EPCAM: variants seen among roughly 807,000 people sequenced by gnomAD.
EPCAM encodes the protein epithelial cell adhesion molecule.
A neutral mutation model predicts 40.0 loss-of-function variants in EPCAM; 39 were observed. The observed-to-expected ratio is 0.98, with a 90% CI of 0.76 to 1.27. EPCAM has a LOEUF of 1.27. EPCAM is among the 50% of genes most tolerant of loss of function. The probability of loss-of-function intolerance (pLI) is 0.00; values close to 1 mark genes in which losing one functional copy is unlikely to be tolerated. For synonymous variants in EPCAM, 168 were observed against 132.3 expected (o/e 1.27, Z -1.85); for missense variants, 503 against 381.2 (o/e 1.32, Z -2.66).
At chr2:47,369,724 G>A in intron 1 of EPCAM, 143 bp downstream of exon 1, 1 of 903,938 alleles carries the variant, frequency 1.1e-6, no homozygotes, top group Non-Finnish European at 1.8e-6. Context: ...CGGTGCGGCC[G>A]TGCTCCGGCT....
intron 6 of EPCAM, 42 bp from the exon 7 acceptor site, chr2:47,379,727 T>C (rs2103758571): frequency 6.2e-7 from 1 of 1,606,520 alleles, no homozygotes; most frequent in South Asian, 1.1e-5. Context: ...CATGGTTGGT[T>C]TCCTTAAATA....
intron 7 of EPCAM, among the ~76,000 whole-genome samples, chr2:47,384,132 C>T (rs1671671883): frequency 6.6e-6 from 1 of 151,334 alleles, no homozygotes; most frequent in Non-Finnish European, 1.5e-5. Context: ...GACAGAGTCT[C>T]CTTCTGTTGC....
At chr2:47,384,276 G>C (rs1671676418) in intron 7 of EPCAM, among the ~76,000 whole-genome samples, 1 of 148,102 alleles carries the variant, frequency 6.8e-6, no homozygotes, top group Admixed American at 6.7e-5. Context: ...GCTAATTTTT[G>C]TATCTTTAGT....
At chr2:47,379,412 T>C (rs1342728966) in intron 6 of EPCAM, among the ~76,000 whole-genome samples, 1 of 152,186 alleles carries the variant, frequency 6.6e-6, no homozygotes, top group Admixed American at 6.6e-5. Context: ...GTTGAAACTT[T>C]AATATATTAT....
At chr2:47,369,741 C>A in intron 1 of EPCAM, 160 bp downstream of exon 1, 1 of 804,992 alleles carries the variant, frequency 1.2e-6, no homozygotes, top group East Asian at 2.7e-5. Context: ...GGCTCAGGCC[C>A]TCCGCGCGGT....
In EPCAM at chr2:47,370,843, G is replaced by A. The variant is rs188797415; in HGVS notation, c.76+1262G>A. ...CGATTCTCCTGCCTCAGCCTCCCGA[G>A]TAGCTGGGACTACAGGCATGCACCA... is the stretch of plus-strand genomic sequence containing the variant. On this transcript the variant is annotated intron_variant, in intron 1 of 8. Coordinates refer to ENST00000263735, the MANE Select transcript of EPCAM (RefSeq NM_002354.3). 1.2e-3 allele frequency among the ~76,000 whole-genome samples: 176 copies of A among 152,184 alleles called. 2 individuals are homozygous for A. The highest frequency in any genetic ancestry group is 4.1e-3 in the African/African-American group (169 of 41,532).
In EPCAM at chr2:47,379,715, G is replaced by T. The variant is rs115618704; in HGVS notation, c.658-54G>T. On this transcript the variant is annotated intron_variant, in intron 6 of 8. Coordinates refer to ENST00000263735, the MANE Select transcript of EPCAM (RefSeq NM_002354.3). ...TACAATTTGTATGTAATTATATGTG[G>T]CCATGGTTGGTTTCCTTAAATATTT... The T allele has an allele frequency of 1.6e-5, 25 of 1,594,210 alleles. No homozygotes were observed. In the Admixed American group the frequency reaches 4.2e-4, roughly 27 times the overall value.
At chr2:47,377,691 A>G (rs755115673) in intron 5 of EPCAM, 1 of 384,268 alleles carries the variant, frequency 2.6e-6, no homozygotes, top group South Asian at 2.0e-5. Flanking sequence ...GTAACATCTT[A>G]AAGTAAATAT....
At chr2:47,380,200 C>T (rs1671551868) in intron 7 of EPCAM, among the ~76,000 whole-genome samples, 1 of 151,952 alleles carries the variant, frequency 6.6e-6, no homozygotes, top group African/African-American at 2.4e-5. Flanking sequence ...CCTGTGGTCC[C>T]ATCTACTTAG....
At position 47,378,974 on chromosome 2, in the gene EPCAM, A is replaced by G. The variant is rs200676965; in HGVS notation, c.577A>G (p.Ile193Val). The change falls in exon 6 of 9, where the codon ATT (isoleucine) becomes GTT (valine). Residue 193 changes from isoleucine (I) to valine (V), a missense_variant. Transcript: ENST00000263735. ...SILYENNVITIDLVQNSSQKT... is the reference protein window; with the variant it reads ...SILYENNVITVDLVQNSSQKT... The stretch of plus-strand genomic sequence containing the variant: ...CCAGTATGAGAATAATGTTATCACT[A>G]TTGATCTGGTTCAAAATTCTTCTCA... The G allele has an allele frequency of 3.3e-4, 513 of 1,564,256 alleles. No homozygotes were observed. Among genetic ancestry groups the G allele is most frequent in the Non-Finnish European group, 4.3e-4 (485 of 1,134,986 alleles).
At chr2:47,381,589 A>G (rs1233279065) in intron 7 of EPCAM, among the ~76,000 whole-genome samples, 1 of 152,128 alleles carries the variant, frequency 6.6e-6, no homozygotes, top group African/African-American at 2.4e-5. Context: ...GCATGTCCAG[A>G]GCACAGTAGT....
At position 47,373,820 on chromosome 2, in the gene EPCAM, G is replaced by A. The variant is rs267606785; in HGVS notation, c.197G>A (p.Cys66Tyr). 1 of 1,614,044 alleles carries A rather than the reference G, an allele frequency of 6.2e-7. No homozygotes were observed. The highest frequency in any genetic ancestry group is 8.5e-7 in the Non-Finnish European group (1 of 1,180,024). The part of the protein sequence containing the change: ...TVICSKLAAK[C>Y]LVMKAEMNGS... ...GTTTCTTTTTCAGTGGCTGCCAAATGTTTGGTGATGAAGGCAGAAATGAAT... is the reference window on the plus strand; with the variant it reads ...GTTTCTTTTTCAGTGGCTGCCAAATATTTGGTGATGAAGGCAGAAATGAAT... Residue 66 changes from cysteine (C) to tyrosine (Y), a missense_variant, in exon 3 of 9, where the codon TGT (cysteine) becomes TAT (tyrosine). Cys to Tyr is a radical substitution (Grantham distance 194). Transcript: ENST00000263735.
intron 1 of EPCAM, among the ~76,000 whole-genome samples, chr2:47,371,131 C>T (rs1478323020): frequency 6.6e-6 from 1 of 152,228 alleles, no homozygotes; most frequent in East Asian, 1.9e-4. Flanking sequence ...AGGCGTGCAT[C>T]ACCACACCCG....
intron 3 of EPCAM, among the ~76,000 whole-genome samples, 156 bp downstream of exon 3, chr2:47,374,204 C>G (rs1254769249): frequency 6.6e-6 from 1 of 152,050 alleles, no homozygotes; most frequent in East Asian, 1.9e-4. Context: ...CCCTCGCTAC[C>G]CATTGGACCT....
Position 47,369,417 on chromosome 2 carries a change from C to T in EPCAM, c.-89C>T, listed in dbSNP as rs2103737551. On this transcript the variant is annotated 5_prime_UTR_variant, in exon 1 of 9. Coordinates refer to ENST00000263735, the MANE Select transcript of EPCAM (RefSeq NM_002354.3). ...CGCGTGCCCCAGGCCTCGCGCTGCC[C>T]GGCCGGCTCCTCGTGTCCCACTCCC... is the stretch of plus-strand genomic sequence containing the variant. The T allele has an allele frequency of 1.6e-6, 2 of 1,272,798 alleles. No homozygotes were observed. The highest frequency in any genetic ancestry group is 1.8e-5 in the South Asian group (1 of 54,254). The allele number at this position is 1,272,798 out of a possible 1,614,324, so 78.8% of individuals were successfully genotyped here.
intron 7 of EPCAM, chr2:47,383,305 GA>G (rs372391242): frequency 0.45 from 55,517 of 124,006 alleles, 12,787 homozygotes; most frequent in East Asian, 0.7. Context: ...GACTCCATCT[GA>G]AAAAAAAAAA....
rs189039242 is a variant in EPCAM, at chr2:47,383,733, C to G, written c.859-1433C>G. Among the ~76,000 whole-genome samples the G allele has an allele frequency of 2.4e-3, 322 of 136,204 alleles. 1 individual carries two copies. Among genetic ancestry groups the G allele is most frequent in the African/African-American group, 8.2e-3 (296 of 36,152 alleles). The allele number at this position is 136,204 out of a possible 152,430, so 89.4% of individuals were successfully genotyped here. ...CACTGCAACCTCCATCTCCCAGGTT[C>G]AAGCCATTTTCTTGCCTCAGCTTCC... On this transcript the variant is annotated intron_variant, in intron 7 of 8. Transcript: ENST00000263735.
intron 7 of EPCAM, among the ~76,000 whole-genome samples, chr2:47,381,253 G>A (rs1310876973): frequency 2.6e-5 from 4 of 151,184 alleles, no homozygotes; most frequent in Non-Finnish European, 3.0e-5. Context: ...AAAATTATCC[G>A]GGCATGGTGT....
chr2:47,385,246 T>A (rs1256736956), intron 8 of EPCAM, 36 bp downstream of exon 8: 2 of 1,532,072 alleles, frequency 1.3e-6, no homozygotes, highest in East Asian at 4.5e-5. Context: ...AAAGGCCCTG[T>A]TGAATCTCTT....
Sources: allele counts gnomAD v4.1 joint callset (sites outside exome capture counted in the v4.1 genomes callset), GRCh38; gene constraint gnomAD v4.1.1; transcripts MANE v1.5; gene names NCBI Gene and HGNC (gene_info 2026-07-23, HGNC 2026-07-21).